Variants in ATIC observed in about 807,000 individuals in gnomAD.
ATIC encodes 5-aminoimidazole-4-carboxamide ribonucleotide formyltransferase/IMP cyclohydrolase.
In ATIC, 64 loss-of-function variants were observed where a neutral mutation model predicts 72.5. The observed-to-expected ratio is 0.88, with a 90% CI of 0.72 to 1.09. The LOEUF is 1.09. Ranked by LOEUF, ATIC falls within the 50% of genes least tolerant of loss-of-function variation. The pLI, the probability that ATIC is intolerant of heterozygous loss-of-function variation, is 0.00. For missense variants in ATIC, 787 were observed against 732.4 expected, an observed-to-expected ratio of 1.07 and a Z score of -0.86; for synonymous variants, 281 against 267.1, an observed-to-expected ratio of 1.05 and a Z score of -0.51.
intron 12 of ATIC, 89 bp downstream of exon 12, chr2:215,338,996 G>A: frequency 6.4e-7 from 1 of 1,564,998 alleles, no homozygotes; most frequent in Non-Finnish European, 8.8e-7. Context: ...TTAAGGTCTG[G>A]ATTTGGAACT....
At chr2:215,317,200 G>C (rs542239079) in intron 2 of ATIC, among the ~76,000 whole-genome samples, 138 of 152,252 alleles carry the variant, frequency 9.1e-4, no homozygotes, top group Non-Finnish European at 1.2e-3. Flanking sequence ...TCCTTCACTT[G>C]ACCCTTTGTC....
At chr2:215,356,452 T>A in the ATIC span, among the ~76,000 whole-genome samples, 2 of 152,252 alleles carry the variant, frequency 1.3e-5, no homozygotes, top group Non-Finnish European at 2.9e-5. Context: ...TTTTTTAAGA[T>A]AAAATTTATG....
chr2:215,325,647 C>T (rs1244718248), intron 5 of ATIC, among the ~76,000 whole-genome samples: 1 of 152,164 alleles, frequency 6.6e-6, no homozygotes, highest in Non-Finnish European at 1.5e-5. Context: ...ACTGCAACCT[C>T]TGCCTCCTGG....
intron 6 of ATIC, 60 bp downstream of exon 6, chr2:215,326,198 C>A: frequency 6.3e-7 from 1 of 1,599,140 alleles, no homozygotes; most frequent in Non-Finnish European, 8.6e-7. Context: ...TTTGCCAGAC[C>A]AAGCAGTATT....
chr2:215,317,156 G>A (rs1165786678), intron 2 of ATIC, among the ~76,000 whole-genome samples: 1 of 152,110 alleles, frequency 6.6e-6, no homozygotes, highest in Admixed American at 6.5e-5. Flanking sequence ...GACTTTCTAG[G>A]GGTCTGCTTT....
At chr2:215,325,359 G>A in intron 5 of ATIC, 30 bp downstream of exon 5, 3 of 1,490,344 alleles carry the variant, frequency 2.0e-6, no homozygotes, top group Non-Finnish European at 2.8e-6. Context: ...TTAGAAGACT[G>A]AGAGGAGAGG....
chr2:215,312,664 C>G, intron 2 of ATIC, 40 bp downstream of exon 2: 1 of 1,613,974 alleles, frequency 6.2e-7, no homozygotes, highest in Non-Finnish European at 8.5e-7. Context: ...AGTGTGATCA[C>G]ATTAACCAGG....
At chr2:215,359,524 C>T in the ATIC span, among the ~76,000 whole-genome samples, 1 of 151,948 alleles carries the variant, frequency 6.6e-6, no homozygotes, top group African/African-American at 2.4e-5. Flanking sequence ...TTTTAAAAAA[C>T]ATACAGAGCA....
chr2:215,314,091 T>G (rs1188580231), intron 2 of ATIC, among the ~76,000 whole-genome samples: 2 of 152,228 alleles, frequency 1.3e-5, no homozygotes, highest in Admixed American at 1.3e-4. Context: ...GTCACCCACT[T>G]TAGGTACTTA....
At chr2:215,324,484 G>A (rs2052801319) in intron 4 of ATIC, among the ~76,000 whole-genome samples, 1 of 152,170 alleles carries the variant, frequency 6.6e-6, no homozygotes. Flanking sequence ...TAGTTTTCTT[G>A]TGACATTTGT....
intron 4 of ATIC, 84 bp from the exon 5 acceptor site, chr2:215,325,157 G>T: frequency 1.0e-6 from 1 of 968,516 alleles, no homozygotes; most frequent in South Asian, 1.3e-5. Context: ...TACGTTAATA[G>T]TACTGACTTG....
intron 1 of ATIC, 123 bp from the exon 2 acceptor site, chr2:215,312,375 C>A (rs746527448): frequency 4.0e-4 from 619 of 1,563,200 alleles, no homozygotes; most frequent in Non-Finnish European, 5.1e-4. Context: ...ACCAGGCCTG[C>A]GAACGCAGGG....
chr2:215,347,122 T>C, intron 14 of ATIC, 181 bp downstream of exon 14: 1 of 852,230 alleles, frequency 1.2e-6, no homozygotes, highest in Non-Finnish European at 1.8e-6. Flanking sequence ...CTCATGTAAC[T>C]TTCTTCATTG....
Position 215,325,258 on chromosome 2 carries a change from T to G in ATIC, c.308T>G (p.Leu103Arg). 1 of 1,613,850 alleles carries G rather than the reference T, an allele frequency of 6.2e-7. No individual in the cohort carries two copies. The highest frequency in any genetic ancestry group is 8.5e-7 in the Non-Finnish European group (1 of 1,179,750). Residue 103 changes from leucine (L) to arginine (R), a missense_variant, in exon 5 of 16, where the codon CTC becomes CGC. Leu to Arg is a moderately radical substitution (Grantham distance 102). Transcript: ENST00000236959. ...TTTTATAGAGTTGTTGCCTGCAATC[T>G]CTATCCCTTTGTAAAGACAGTGGCT... The part of the protein sequence containing the change: ...FNLIRVVACN[L>R]YPFVKTVASP...
chr2:215,326,525 G>A (rs1255993745), intron 6 of ATIC, among the ~76,000 whole-genome samples: 3 of 151,518 alleles, frequency 2.0e-5, no homozygotes, highest in African/African-American at 4.9e-5. Context: ...CAGGAGAATC[G>A]CTTGAACCCA....
intron 12 of ATIC, among the ~76,000 whole-genome samples, chr2:215,342,091 A>G (rs1390800127): frequency 6.6e-6 from 1 of 152,142 alleles, no homozygotes; most frequent in Non-Finnish European, 1.5e-5. Context: ...AGTTACCTCC[A>G]CCTAGTCCTG....
At chr2:215,331,035 C>T (rs1252426313) in intron 7 of ATIC, among the ~76,000 whole-genome samples, 1 of 152,150 alleles carries the variant, frequency 6.6e-6, no homozygotes, top group African/African-American at 2.4e-5. Context: ...TATCCATGGA[C>T]ATATTGAAGG....
chr2:215,350,423 G>A (rs985572074), downstream of ATIC, among the ~76,000 whole-genome samples: 2 of 152,144 alleles, frequency 1.3e-5, no homozygotes, highest in Admixed American at 1.3e-4. Flanking sequence ...GTGAGCCACC[G>A]TGCCCGGCCC....
At chr2:215,367,718 A>G in the ATIC span, 3 of 818,960 alleles carry the variant, frequency 3.7e-6, no homozygotes, top group South Asian at 4.4e-5. Context: ...GATGCAAAAT[A>G]TTACTTCGAG....
Sources: gnomAD v4.1 joint callset for allele counts (sites outside exome capture counted in the v4.1 genomes callset) on GRCh38, gnomAD v4.1.1 for gene constraint, MANE v1.5 for transcripts, NCBI Gene and HGNC (gene_info 2026-07-23, HGNC 2026-07-21) for gene names.